RNF150: variants seen among roughly 807,000 people sequenced by gnomAD.
The protein encoded by RNF150 is ring finger protein 150.
RNF150 carries 24 observed loss-of-function variants against 39.3 expected under a neutral mutation model. That is an observed-to-expected ratio of 0.61 (90% CI 0.44 to 0.86). The LOEUF (loss-of-function observed/expected upper bound fraction) is 0.86. Among genes scored for constraint, RNF150 ranks in the 40% least tolerant of loss-of-function variants. The pLI, the probability that RNF150 is intolerant of heterozygous loss-of-function variation, is 0.00. For synonymous variants in RNF150, 255 were observed against 227.3 expected (o/e 1.12, Z -1.10); for missense variants, 502 against 587.8 (o/e 0.85, Z 1.51).
chr4:141,058,557 G>C (rs1272676781), intron 1 of RNF150, among the ~76,000 whole-genome samples: 1 of 152,156 alleles, frequency 6.6e-6, no homozygotes, highest in East Asian at 1.9e-4. Flanking sequence ...GGCAGGGCAT[G>C]GGGCTGAATC....
intron 1 of RNF150, among the ~76,000 whole-genome samples, chr4:141,093,645 A>C (rs1738677282): frequency 6.6e-6 from 1 of 152,188 alleles, no homozygotes. Flanking sequence ...CCTGGGTAGT[A>C]CATCAAGGCT....
intron 5 of RNF150, among the ~76,000 whole-genome samples, chr4:140,918,653 C>T (rs372585599): frequency 6.6e-6 from 1 of 151,898 alleles, no homozygotes; most frequent in East Asian, 1.9e-4. Context: ...CCAATCAATA[C>T]AAAAAGAGGA....
At chr4:141,192,660 G>A (rs1006180194) in intron 1 of RNF150, among the ~76,000 whole-genome samples, 13 of 152,158 alleles carry the variant, frequency 8.5e-5, no homozygotes, top group African/African-American at 3.1e-4. Context: ...GGTAAGAAAA[G>A]GCCTATGTGC....
intron 5 of RNF150, among the ~76,000 whole-genome samples, chr4:140,922,411 C>A (rs7441997): frequency 0.54 from 78,128 of 144,534 alleles, 21,679 homozygotes; most frequent in East Asian, 0.88. Flanking sequence ...CCAACTTATA[C>A]GGGACGGGAA....
At chr4:141,089,138 G>A (rs986745498) in intron 1 of RNF150, among the ~76,000 whole-genome samples, 4 of 152,160 alleles carry the variant, frequency 2.6e-5, no homozygotes, top group African/African-American at 9.7e-5. Flanking sequence ...GTGTTGCCTA[G>A]GTTGGACTCC....
chr4:141,181,498 C>A (rs1332698699), intron 1 of RNF150, among the ~76,000 whole-genome samples: 1 of 152,166 alleles, frequency 6.6e-6, no homozygotes, highest in African/African-American at 2.4e-5. Context: ...TGATAGCCTT[C>A]ATTTGACCTC....
At chr4:140,968,749 T>A (rs1733347268) in intron 1 of RNF150, among the ~76,000 whole-genome samples, 1 of 151,814 alleles carries the variant, frequency 6.6e-6, no homozygotes, top group African/African-American at 2.4e-5. Context: ...TCCTTACGCA[T>A]CATGACACTG....
intron 6 of RNF150, among the ~76,000 whole-genome samples, chr4:140,908,014 A>G (rs1730455695): frequency 6.6e-6 from 1 of 152,230 alleles, no homozygotes; most frequent in Non-Finnish European, 1.5e-5. Context: ...AGGGGAAAGA[A>G]TAATTTGGAG....
At chr4:141,092,909 G>T (rs1738642825) in intron 1 of RNF150, among the ~76,000 whole-genome samples, 1 of 151,842 alleles carries the variant, frequency 6.6e-6, no homozygotes, top group Non-Finnish European at 1.5e-5. Context: ...TGTAAAACAT[G>T]TCTGAGTAGG....
chr4:141,042,151 G>A (rs1193847798), intron 1 of RNF150, among the ~76,000 whole-genome samples: 2 of 151,824 alleles, frequency 1.3e-5, no homozygotes, highest in Non-Finnish European at 2.9e-5. Context: ...ATAAAGTGAG[G>A]AAAAAAATCA....
chr4:140,954,073 G>C (rs17006717), intron 2 of RNF150, among the ~76,000 whole-genome samples: 38,439 of 152,040 alleles, frequency 0.25, 4,949 homozygotes, highest in South Asian at 0.37. Flanking sequence ...GCTAATGGAA[G>C]ACTCAGGGAC....
chr4:141,107,930 A>C (rs575775311), intron 1 of RNF150, among the ~76,000 whole-genome samples: 1 of 152,290 alleles, frequency 6.6e-6, no homozygotes, highest in East Asian at 1.9e-4. Flanking sequence ...CTATTCTTTC[A>C]TATCTTTTGG....
At chr4:140,938,311 C>T (rs541565401) in intron 4 of RNF150, among the ~76,000 whole-genome samples, 1 of 152,106 alleles carries the variant, frequency 6.6e-6, no homozygotes, top group East Asian at 1.9e-4. Flanking sequence ...AATTCTTCCT[C>T]ATGTTACGCT....
intron 1 of RNF150, among the ~76,000 whole-genome samples, chr4:141,087,590 G>T (rs985787530): frequency 2.0e-5 from 3 of 152,052 alleles, no homozygotes; most frequent in Admixed American, 1.3e-4. Flanking sequence ...AATGCTGGTT[G>T]TACAGTAGCT....
chr4:140,986,306 T>A (rs1237165056), intron 1 of RNF150, among the ~76,000 whole-genome samples: 2 of 152,124 alleles, frequency 1.3e-5, no homozygotes, highest in African/African-American at 4.8e-5. Context: ...TCTACTCTGA[T>A]ATCATTTACT....
At chr4:140,930,208 G>A (rs1304047957) in intron 4 of RNF150, among the ~76,000 whole-genome samples, 1 of 152,162 alleles carries the variant, frequency 6.6e-6, no homozygotes, top group Non-Finnish European at 1.5e-5. Flanking sequence ...AGGCTTCTCT[G>A]AGAGGAAATT....
rs1031651445 is a variant in RNF150, at chr4:140,861,022, C to T, written c.*7239G>A. The stretch of plus-strand genomic sequence containing the variant: ...TATTTCATTTTCTAAATGTAAGGGA[C>T]ACCCCTCTATAAAAATAACAGTCCC... On this transcript the variant is annotated 3_prime_UTR_variant, in exon 7 of 7. Transcript: ENST00000515673. 2.6e-5 allele frequency: 4 copies of T among 152,002 alleles called. No homozygotes were observed. Among genetic ancestry groups the T allele is most frequent in the Admixed American group, 2.6e-4 (4 of 15,242 alleles). The allele number at this position is 152,002 out of a possible 1,614,324, so 9.4% of individuals were successfully genotyped here.
intron 1 of RNF150, among the ~76,000 whole-genome samples, chr4:141,066,635 C>T (rs1737472958): frequency 6.6e-6 from 1 of 152,152 alleles, no homozygotes; most frequent in Admixed American, 6.5e-5. Context: ...GATATTTCTA[C>T]AAATTTTTTT....
At chr4:141,047,276 C>T (rs75702508) in intron 1 of RNF150, among the ~76,000 whole-genome samples, 8,165 of 152,078 alleles carry the variant, frequency 0.054, 275 homozygotes, top group East Asian at 0.16. Flanking sequence ...GTATTCTGAA[C>T]GTGTCCAGTG....
Sources: gnomAD v4.1 joint callset for allele counts (sites outside exome capture counted in the v4.1 genomes callset) on GRCh38, gnomAD v4.1.1 for gene constraint, MANE v1.5 for transcripts, NCBI Gene and HGNC (gene_info 2026-07-23, HGNC 2026-07-21) for gene names.